Variants in MAD1L1 observed in about 807,000 individuals in gnomAD.
The protein encoded by MAD1L1 is mitotic arrest deficient 1 like 1, also known as mitotic spindle assembly checkpoint protein MAD1.
MAD1L1 carries 95 observed loss-of-function variants against 96.9 expected under a neutral mutation model. The observed-to-expected ratio is 0.98, with a 90% CI of 0.83 to 1.16. The LOEUF is 1.16. Among genes scored for constraint, MAD1L1 ranks in the 50% most tolerant of loss-of-function variants. The pLI is 0.00. For missense variants in MAD1L1, 1,007 were observed against 954.4 expected (o/e 1.06, Z -0.73); for synonymous variants, 473 against 396.6 (o/e 1.19, Z -2.29).
chr7:2,028,524 T>C (rs1412847780), intron 12 of MAD1L1, among the ~76,000 whole-genome samples: 4 of 151,762 alleles, frequency 2.6e-5, no homozygotes, highest in Admixed American at 2.6e-4. Flanking sequence ...ATTTAATCAA[T>C]GCATTCTCAA....
intron 15 of MAD1L1, among the ~76,000 whole-genome samples, chr7:1,964,786 C>G (rs12666575): frequency 6.6e-6 from 1 of 152,086 alleles, no homozygotes; most frequent in African/African-American, 2.4e-5. Flanking sequence ...CCATCACACA[C>G]GGGGGAAACT....
At chr7:1,916,179 C>G (rs955238146) in intron 17 of MAD1L1, among the ~76,000 whole-genome samples, 1 of 152,164 alleles carries the variant, frequency 6.6e-6, no homozygotes, top group Non-Finnish European at 1.5e-5. Flanking sequence ...TGGAGCCTCA[C>G]GTGGGACATG....
intron 18 of MAD1L1, among the ~76,000 whole-genome samples, chr7:1,874,091 T>A (rs901492071): frequency 4.6e-5 from 7 of 152,146 alleles, no homozygotes; most frequent in Non-Finnish European, 8.8e-5. Context: ...CCACCGGGGA[T>A]CCCGGGACGG....
intron 12 of MAD1L1, among the ~76,000 whole-genome samples, chr7:2,046,402 G>A (rs745329401): frequency 6.6e-6 from 1 of 151,998 alleles, no homozygotes; most frequent in African/African-American, 2.4e-5. Flanking sequence ...CAGGCCCGGC[G>A]CCCGTGCCCA....
At chr7:2,220,073 C>A (rs1291512311) in intron 5 of MAD1L1, among the ~76,000 whole-genome samples, 3 of 152,224 alleles carry the variant, frequency 2.0e-5, no homozygotes, top group African/African-American at 7.2e-5. Flanking sequence ...CCTAGCCACC[C>A]CAATGCTACC....
chr7:1,887,046 GC>G (rs1296369102), intron 18 of MAD1L1, among the ~76,000 whole-genome samples: 1 of 152,278 alleles, frequency 6.6e-6, no homozygotes, highest in African/African-American at 2.4e-5. Flanking sequence ...TTCTAACATG[GC>G]GCTTTGCATA....
chr7:2,037,122 C>A (rs1183554777), intron 12 of MAD1L1, among the ~76,000 whole-genome samples: 2 of 152,192 alleles, frequency 1.3e-5, no homozygotes, highest in Non-Finnish European at 2.9e-5. Flanking sequence ...GGATCAGGCC[C>A]AGGTACACAT....
intron 12 of MAD1L1, among the ~76,000 whole-genome samples, chr7:2,060,691 G>A (rs560825630): frequency 4.6e-5 from 7 of 152,342 alleles, no homozygotes; most frequent in South Asian, 4.1e-4. Flanking sequence ...CCCGGGCCAC[G>A]GCCATGGCAG....
intron 18 of MAD1L1, chr7:1,847,401 T>C (rs73046334): frequency 0.21 from 96,853 of 470,636 alleles, 11,390 homozygotes; most frequent in South Asian, 0.3. Flanking sequence ...TGGGAAGATG[T>C]GGGGGGCCCG....
intron 18 of MAD1L1, among the ~76,000 whole-genome samples, chr7:1,857,435 TCAGGCCTCTGCTGTCA>T (rs910019117): frequency 3.3e-5 from 5 of 152,128 alleles, no homozygotes; most frequent in Admixed American, 6.5e-5. Context: ...TGACCCACAG[TCAGGCCTCTGCTGTCA>T]CATAGGCACT....
At chr7:2,010,350 G>A (rs1340938421) in intron 13 of MAD1L1, among the ~76,000 whole-genome samples, 1 of 152,100 alleles carries the variant, frequency 6.6e-6, no homozygotes, top group African/African-American at 2.4e-5. Context: ...TAAATCGTTA[G>A]GAACTATTTC....
intron 11 of MAD1L1, among the ~76,000 whole-genome samples, chr7:2,145,967 CT>C (rs1281044663): frequency 6.6e-6 from 1 of 152,216 alleles, no homozygotes; most frequent in Non-Finnish European, 1.5e-5. Flanking sequence ...AAGACAGCGA[CT>C]GTGGGAAGGG....
At chr7:2,066,601 G>A (rs942639304) in intron 12 of MAD1L1, among the ~76,000 whole-genome samples, 4 of 151,990 alleles carry the variant, frequency 2.6e-5, no homozygotes, top group African/African-American at 9.7e-5. Flanking sequence ...GAGAAGAACA[G>A]AAACTTCCTG....
chr7:2,102,225 G>A (rs111839990), intron 11 of MAD1L1, among the ~76,000 whole-genome samples: 3,543 of 124,812 alleles, frequency 0.028, 69 homozygotes, highest in Middle Eastern at 0.056. Context: ...CGCCACCGTC[G>A]CCACCGCCAC....
chr7:2,057,240 G>C (rs911198289), intron 12 of MAD1L1, among the ~76,000 whole-genome samples: 1 of 152,226 alleles, frequency 6.6e-6, no homozygotes, highest in Non-Finnish European at 1.5e-5. Context: ...AGAATCTGGG[G>C]AATGACCGAG....
intron 10 of MAD1L1, among the ~76,000 whole-genome samples, chr7:2,169,712 TG>T: frequency 1.4e-5 from 2 of 145,612 alleles, no homozygotes; most frequent in South Asian, 4.2e-4. Context: ...GAGCAGAGGC[TG>T]GACCACAGTC....
intron 11 of MAD1L1, among the ~76,000 whole-genome samples, chr7:2,122,819 C>T (rs562911833): frequency 7.9e-5 from 12 of 152,356 alleles, no homozygotes; most frequent in African/African-American, 2.4e-4. Flanking sequence ...GAAGTCAAGG[C>T]GCAGGATCTG....
chr7:2,110,826 T>C (rs935647764), intron 11 of MAD1L1, among the ~76,000 whole-genome samples: 2 of 152,184 alleles, frequency 1.3e-5, no homozygotes, highest in Admixed American at 1.3e-4. Context: ...AAGCGCTTTC[T>C]GCATCTCACA....
At chr7:2,202,957 T>C (rs1792392808) in intron 10 of MAD1L1, among the ~76,000 whole-genome samples, 3 of 152,280 alleles carry the variant, frequency 2.0e-5, no homozygotes, top group Admixed American at 6.5e-5. Flanking sequence ...GTGCCCAGCT[T>C]TGACTACAGG....
Sources: gnomAD v4.1 joint callset for allele counts (sites outside exome capture counted in the v4.1 genomes callset) on GRCh38, gnomAD v4.1.1 for gene constraint, MANE v1.5 for transcripts, NCBI Gene and HGNC (gene_info 2026-07-23, HGNC 2026-07-21) for gene names.